BBS9: variants seen among roughly 807,000 people sequenced by gnomAD.
The protein encoded by BBS9 is Bardet-Biedl syndrome 9.
In BBS9, 89 loss-of-function variants were observed where a neutral mutation model predicts 117.7. That is an observed-to-expected ratio of 0.76 (90% CI 0.64 to 0.90). The LOEUF is 0.90. BBS9 is among the 40% of genes least tolerant of loss of function. The probability of loss-of-function intolerance (pLI) is 0.00; values close to 1 mark genes in which losing one functional copy is unlikely to be tolerated. For missense variants in BBS9, 982 were observed against 1,042.2 expected (o/e 0.94, Z 0.80); for synonymous variants, 379 against 370.9 (o/e 1.02, Z -0.25).
chr7:33,424,099 A>G (rs556146947), intron 19 of BBS9, among the ~76,000 whole-genome samples: 7 of 152,322 alleles, frequency 4.6e-5, no homozygotes, highest in Non-Finnish European at 8.8e-5. Flanking sequence ...ATCACCTTGT[A>G]GCTGGAAAAA....
At chr7:33,609,130 C>T (rs754520738), downstream of BBS9, among the ~76,000 whole-genome samples, 1 of 151,992 alleles carries the variant, frequency 6.6e-6, no homozygotes, top group Non-Finnish European at 1.5e-5. Context: ...TTCCCCATTG[C>T]TTATTTTTGT....
At chr7:33,151,228 G>T (rs1368310643) in intron 2 of BBS9, among the ~76,000 whole-genome samples, 3 of 152,022 alleles carry the variant, frequency 2.0e-5, no homozygotes, top group Non-Finnish European at 2.9e-5. Context: ...CTCAAGCCTG[G>T]GCAACAGAGT....
chr7:33,542,373 G>T (rs756866580), intron 21 of BBS9, among the ~76,000 whole-genome samples: 3 of 152,072 alleles, frequency 2.0e-5, no homozygotes, highest in African/African-American at 7.2e-5. Context: ...GTGAGCCACC[G>T]CACCCAGCCC....
At chr7:33,368,314 T>A (rs183777576) in intron 17 of BBS9, among the ~76,000 whole-genome samples, 56 of 152,280 alleles carry the variant, frequency 3.7e-4, no homozygotes, top group Admixed American at 3.1e-3. Flanking sequence ...ACAGTGAAAG[T>A]GGATAGCTTT....
chr7:33,588,342 C>T (rs1016172243), intron 21 of BBS9, among the ~76,000 whole-genome samples: 1 of 152,122 alleles, frequency 6.6e-6, no homozygotes, highest in African/African-American at 2.4e-5. Context: ...GTTGTAACTG[C>T]TTTCCAACCT....
At chr7:33,187,462 G>A (rs751399528) in intron 5 of BBS9, among the ~76,000 whole-genome samples, 6 of 152,226 alleles carry the variant, frequency 3.9e-5, no homozygotes, top group Non-Finnish European at 7.4e-5. Flanking sequence ...AGGTGCTTGG[G>A]CACTTTCAGG....
At chr7:33,353,048 A>G (rs923095787) in intron 15 of BBS9, among the ~76,000 whole-genome samples, 175 bp downstream of exon 15, 2 of 152,166 alleles carry the variant, frequency 1.3e-5, no homozygotes, top group African/African-American at 4.8e-5. Flanking sequence ...AGATGTTTCC[A>G]CAGAGACTTG....
At chr7:33,255,423 G>C (rs1314960761) in intron 5 of BBS9, among the ~76,000 whole-genome samples, 1 of 138,954 alleles carries the variant, frequency 7.2e-6, no homozygotes, top group Non-Finnish European at 1.5e-5. Context: ...TTTCACCATT[G>C]TGTATTCTTG....
intron 16 of BBS9, among the ~76,000 whole-genome samples, chr7:33,365,712 G>A (rs1046819164): frequency 6.6e-6 from 1 of 152,230 alleles, no homozygotes; most frequent in Admixed American, 6.5e-5. Flanking sequence ...CTGGGCTTTG[G>A]GTGGTAATGG....
At chr7:33,260,955 T>C (rs1452154481) in intron 6 of BBS9, among the ~76,000 whole-genome samples, 1 of 152,248 alleles carries the variant, frequency 6.6e-6, no homozygotes, top group Non-Finnish European at 1.5e-5. Flanking sequence ...AAAGTGTTTC[T>C]GTTGAATTTA....
intron 19 of BBS9, among the ~76,000 whole-genome samples, chr7:33,418,458 A>C (rs145195013): frequency 6.6e-6 from 1 of 152,062 alleles, no homozygotes; most frequent in African/African-American, 2.4e-5. Flanking sequence ...CTCGTGTTCT[A>C]TTTCTTTTTT....
intron 21 of BBS9, among the ~76,000 whole-genome samples, chr7:33,551,963 G>T (rs1270687335): frequency 6.6e-6 from 1 of 151,900 alleles, no homozygotes; most frequent in African/African-American, 2.4e-5. Context: ...AATATTATTG[G>T]AGTACCACAG....
At chr7:33,446,196 C>T (rs1479434965) in intron 19 of BBS9, among the ~76,000 whole-genome samples, 1 of 152,050 alleles carries the variant, frequency 6.6e-6, no homozygotes, top group Non-Finnish European at 1.5e-5. Context: ...GAATCATAGT[C>T]ACAACACTTT....
intron 5 of BBS9, among the ~76,000 whole-genome samples, chr7:33,188,975 A>G (rs1334196798): frequency 6.6e-6 from 1 of 152,056 alleles, no homozygotes; most frequent in Non-Finnish European, 1.5e-5. Context: ...CATAGATAGT[A>G]TTTTGCTGAA....
chr7:33,292,868 C>T (rs907273791), intron 9 of BBS9, among the ~76,000 whole-genome samples: 8 of 151,880 alleles, frequency 5.3e-5, no homozygotes, highest in South Asian at 2.1e-4. Context: ...TAGCCAGGCG[C>T]GGTGGCAGGT....
At chr7:33,396,957 A>C (rs950490058) in intron 19 of BBS9, among the ~76,000 whole-genome samples, 2 of 152,200 alleles carry the variant, frequency 1.3e-5, no homozygotes, top group African/African-American at 4.8e-5. Context: ...CATATGCAAA[A>C]ATTGAAACTG....
intron 19 of BBS9, among the ~76,000 whole-genome samples, chr7:33,492,791 TATC>T (rs1844169984): frequency 1.4e-5 from 2 of 147,798 alleles, no homozygotes; most frequent in Non-Finnish European, 3.0e-5. Context: ...GTATAGCACT[TATC>T]ATCTAGTATA....
At chr7:33,393,640 C>T (rs1001472869) in intron 19 of BBS9, among the ~76,000 whole-genome samples, 1 of 152,048 alleles carries the variant, frequency 6.6e-6, no homozygotes, top group African/African-American at 2.4e-5. Flanking sequence ...TAGGCCTTTC[C>T]AAAGATGAAG....
At chr7:33,276,482 A>G (rs1236474984) in intron 9 of BBS9, among the ~76,000 whole-genome samples, 2 of 152,194 alleles carry the variant, frequency 1.3e-5, no homozygotes. Flanking sequence ...CTCTTAGCTC[A>G]TGCTGCGGTT....
Sources: allele counts gnomAD v4.1 joint callset (sites outside exome capture counted in the v4.1 genomes callset), GRCh38; gene constraint gnomAD v4.1.1; transcripts MANE v1.5; gene names NCBI Gene and HGNC (gene_info 2026-07-23, HGNC 2026-07-21).